Variants in TBXAS1 observed in about 807,000 individuals in gnomAD.
TBXAS1 encodes thromboxane A synthase 1.
A neutral mutation model predicts 60.7 loss-of-function variants in TBXAS1; 48 were observed. The observed-to-expected ratio is 0.79, with a 90% CI of 0.63 to 1.01. The LOEUF (loss-of-function observed/expected upper bound fraction) is 1.01, where lower values mean the gene tolerates loss of function less well. Among genes scored for constraint, TBXAS1 ranks in the 50% least tolerant of loss-of-function variants. The pLI, the probability that TBXAS1 is intolerant of heterozygous loss-of-function variation, is 0.00. For synonymous variants in TBXAS1, 287 were observed against 269.7 expected, an observed-to-expected ratio of 1.06 and a Z score of -0.63; for missense variants, 685 against 686.3, an observed-to-expected ratio of 1.00 and a Z score of 0.02.
intron 4 of TBXAS1, among the ~76,000 whole-genome samples, chr7:139,923,176 A>ATATATATATATATAT (rs1554490812): frequency 1.3e-5 from 2 of 152,006 alleles, no homozygotes; most frequent in South Asian, 4.2e-4. Context: ...ATATATATAT[A>ATATATATATATATAT]ATTAGCCAGG....
In TBXAS1 at chr7:139,902,546, GCCTATTA is replaced by G. The variant is rs1191418442; in HGVS notation, c.237-8677_237-8671del. Among the ~76,000 whole-genome samples the G allele has an allele frequency of 1.1e-4, 17 of 152,044 alleles. 1 individual carries two copies. The highest frequency in any genetic ancestry group is 1.1e-3 in the Admixed American group (17 of 15,274). On this transcript the variant is annotated intron_variant, in intron 3 of 12. Transcript: ENST00000448866. ...AACATTTGAATTGTTTTCAGTTTTT[GCCTATTA>G]CAAACAAAGCTGCTGTAAACATTCA...
intron 3 of TBXAS1, among the ~76,000 whole-genome samples, chr7:139,783,151 G>A (rs951093357): frequency 1.3e-5 from 2 of 152,154 alleles, no homozygotes; most frequent in Non-Finnish European, 2.9e-5. Flanking sequence ...AAAGGGGAGA[G>A]CGAGGCTTGG....
At chr7:139,989,045 T>C (rs1217884995) in intron 9 of TBXAS1, among the ~76,000 whole-genome samples, 1 of 152,158 alleles carries the variant, frequency 6.6e-6, no homozygotes, top group Non-Finnish European at 1.5e-5. Context: ...GGCAGCGCAT[T>C]GCAGGGTTAG....
chr7:139,867,814 C>T (rs1231125370), intron 1 of TBXAS1, among the ~76,000 whole-genome samples: 1 of 143,658 alleles, frequency 7.0e-6, no homozygotes, highest in Non-Finnish European at 1.5e-5. Flanking sequence ...GAGACTCTGC[C>T]TCGAAAATAA....
rs1156852972 is a variant in TBXAS1, at chr7:140,019,339, C to T, written c.1528-686C>T. ...CAGCCCCACTGCATCGGGGCTTCCA[C>T]GTGTGCGGGGCTTGTCTCACTTCCC... On this transcript the variant is annotated intron_variant, in intron 12 of 12. Coordinates refer to ENST00000448866, the MANE Select transcript of TBXAS1 (RefSeq NM_001061.7). 3.3e-5 allele frequency among the ~76,000 whole-genome samples: 5 copies of T among 152,208 alleles called. No homozygotes were observed. The South Asian group carries it at 6.2e-4, about 19-fold the overall frequency.
chr7:139,929,087 C>A (rs552311191), intron 4 of TBXAS1, among the ~76,000 whole-genome samples: 2 of 152,292 alleles, frequency 1.3e-5, no homozygotes, highest in East Asian at 3.9e-4. Context: ...CGGAATAATG[C>A]GACATCATCT....
intron 1 of TBXAS1, among the ~76,000 whole-genome samples, chr7:139,856,917 C>T (rs369293200): frequency 1.1e-3 from 171 of 152,212 alleles, no homozygotes; most frequent in Middle Eastern, 3.4e-3. Context: ...GGCGTCAACA[C>T]CAATGGAGGC....
Position 139,943,930 on chromosome 7 carries a change from C to T in TBXAS1, c.450+7623C>T, listed in dbSNP as rs186438919. On this transcript the variant is annotated intron_variant, in intron 5 of 12. Transcript: ENST00000448866. ...ACCTTCCCCCACCCCCAGCAGCTGA[C>T]CCTTACTTATTCAGAAAACCCTCCT... Among the ~76,000 whole-genome samples, 9 of 152,214 alleles carry T rather than the reference C, an allele frequency of 5.9e-5. No homozygotes were observed. In the East Asian group the frequency reaches 1.5e-3, roughly 26 times the overall value.
chr7:139,890,309 G>T (rs377510290), intron 3 of TBXAS1, among the ~76,000 whole-genome samples: 6 of 138,462 alleles, frequency 4.3e-5, no homozygotes, highest in Non-Finnish European at 7.6e-5. Context: ...TCCGCCTTCC[G>T]GGTTCACACC....
intron 3 of TBXAS1, among the ~76,000 whole-genome samples, chr7:139,784,789 G>T (rs1797133827): frequency 6.6e-6 from 1 of 152,144 alleles, no homozygotes; most frequent in South Asian, 2.1e-4. Flanking sequence ...ATTCAGATAG[G>T]GATGCTCAGT....
At chr7:139,806,343 A>G (rs1419055561) in intron 4 of TBXAS1, among the ~76,000 whole-genome samples, 3 of 151,422 alleles carry the variant, frequency 2.0e-5, no homozygotes, top group African/African-American at 7.3e-5. Context: ...GCTCACTGCA[A>G]TCTCCACTTC....
chr7:139,973,353 G>T (rs1229498464), intron 9 of TBXAS1, among the ~76,000 whole-genome samples: 1 of 152,136 alleles, frequency 6.6e-6, no homozygotes, highest in Admixed American at 6.6e-5. Flanking sequence ...CTGCCTGGGG[G>T]CTGCTTCCAC....
At chr7:139,919,480 G>A (rs2117093780) in intron 4 of TBXAS1, among the ~76,000 whole-genome samples, 1 of 152,252 alleles carries the variant, frequency 6.6e-6, no homozygotes, top group Middle Eastern at 3.4e-3. Flanking sequence ...CAGAACTGTT[G>A]ATCATCTGTC....
At chr7:139,965,328 T>G (rs945892007) in intron 9 of TBXAS1, among the ~76,000 whole-genome samples, 16 of 152,204 alleles carry the variant, frequency 1.1e-4, no homozygotes, top group Non-Finnish European at 2.1e-4. Flanking sequence ...TTGAGTTTAG[T>G]GTGCATAAAA....
At chr7:139,887,188 C>T (rs956500830) in intron 3 of TBXAS1, among the ~76,000 whole-genome samples, 27 of 152,126 alleles carry the variant, frequency 1.8e-4, no homozygotes, top group Non-Finnish European at 3.4e-4. Flanking sequence ...AATTGATGGT[C>T]TCCCACTTCT....
intron 4 of TBXAS1, among the ~76,000 whole-genome samples, chr7:139,810,850 T>G (rs1798006033): frequency 6.6e-6 from 1 of 152,248 alleles, no homozygotes; most frequent in African/African-American, 2.4e-5. Context: ...AAGCAAGATT[T>G]ATATTTCAAA....
intron 7 of TBXAS1, 48 bp downstream of exon 7, chr7:139,955,655 G>A (rs1399451785): frequency 1.2e-6 from 2 of 1,611,106 alleles, no homozygotes; most frequent in South Asian, 2.2e-5. Flanking sequence ...CAGCAAGTTG[G>A]GCAGACCCCA....
Position 139,924,282 on chromosome 7 carries a change from G to T in TBXAS1, c.334-11909G>T, listed in dbSNP as rs142663595. On this transcript the variant is annotated intron_variant, in intron 4 of 12. Transcript: ENST00000448866. The stretch of plus-strand genomic sequence containing the variant: ...ACATTTGCACCAACAGTGTATGTGG[G>T]TTCCCTTTTCTCCACATCCTTGGCA... 3.2e-3 allele frequency among the ~76,000 whole-genome samples: 494 copies of T among 152,232 alleles called. 1 individual carries two copies. The highest frequency in any genetic ancestry group is 5.7e-3 in the Non-Finnish European group (389 of 68,012).
chr7:140,006,227 T>C (rs1407461195), intron 9 of TBXAS1, among the ~76,000 whole-genome samples: 2 of 152,218 alleles, frequency 1.3e-5, no homozygotes, highest in Non-Finnish European at 2.9e-5. Flanking sequence ...TCATTCCACC[T>C]CTGTGGGCAA....
Sources: gnomAD v4.1 joint callset for allele counts (sites outside exome capture counted in the v4.1 genomes callset) on GRCh38, gnomAD v4.1.1 for gene constraint, MANE v1.5 for transcripts, NCBI Gene and HGNC (gene_info 2026-07-23, HGNC 2026-07-21) for gene names.